The following SH3RF1 variants were observed in gnomAD, a reference collection of about 807,000 sequenced individuals.
SH3RF1 encodes the protein SH3 domain containing ring finger 1.
Under a neutral mutation model 74.0 loss-of-function variants are expected in SH3RF1, and 32 were observed. That is an observed-to-expected ratio of 0.43 (90% CI 0.33 to 0.58). The LOEUF (loss-of-function observed/expected upper bound fraction) is 0.58, where lower values mean the gene tolerates loss of function less well. Among genes scored for constraint, SH3RF1 ranks in the 20% least tolerant of loss-of-function variants. The pLI is 0.05. For missense variants in SH3RF1, 954 were observed against 1,130.9 expected, an observed-to-expected ratio of 0.84 and a Z score of 2.24; for synonymous variants, 396 against 439.6, an observed-to-expected ratio of 0.90 and a Z score of 1.24.
rs1733340501 is a variant in SH3RF1, at chr4:169,116,690, A to G, written c.1778-60T>C. On this transcript the variant is annotated intron_variant, in intron 9 of 11. Coordinates refer to ENST00000284637, the MANE Select transcript of SH3RF1 (RefSeq NM_020870.4). ...AACTATCTAATAGATGCTGCTCACC[A>G]AAACATGAGTCATTTCACTGCATCA... is the stretch of plus-strand genomic sequence containing the variant. The G allele has an allele frequency of 2.7e-6, 4 of 1,489,430 alleles. No individual in the cohort carries two copies. The South Asian group carries it at 5.7e-5, about 21-fold the overall frequency. 92.3% of individuals were successfully genotyped at this position (1,489,430 alleles called of 1,614,324 possible). A position where few individuals can be genotyped will look rare whatever the true frequency, so the allele number is the denominator to read the frequency against.
intron 2 of SH3RF1, among the ~76,000 whole-genome samples, chr4:169,249,722 C>T (rs996446524): frequency 3.3e-5 from 5 of 152,178 alleles, no homozygotes; most frequent in Admixed American, 6.5e-5. Flanking sequence ...CAAGCTGTGA[C>T]TCTTTAAGTA....
chr4:169,185,787 A>C (rs933591411), intron 2 of SH3RF1, among the ~76,000 whole-genome samples: 2 of 152,174 alleles, frequency 1.3e-5, no homozygotes, highest in Non-Finnish European at 2.9e-5. Flanking sequence ...AAGCTTTGAG[A>C]AATGAAGGAG....
intron 2 of SH3RF1, among the ~76,000 whole-genome samples, chr4:169,183,345 A>G (rs979723542): frequency 6.6e-6 from 1 of 152,086 alleles, no homozygotes; most frequent in African/African-American, 2.4e-5. Context: ...CAATGGCGTG[A>G]TCCTGGCTCA....
intron 2 of SH3RF1, among the ~76,000 whole-genome samples, chr4:169,165,273 A>G (rs1734216649): frequency 6.6e-6 from 1 of 151,848 alleles, no homozygotes; most frequent in Non-Finnish European, 1.5e-5. Context: ...AGGAATGATC[A>G]TGTACCAGGA....
intron 11 of SH3RF1, among the ~76,000 whole-genome samples, chr4:169,099,217 C>T (rs1167123473): frequency 2.0e-5 from 3 of 152,232 alleles, no homozygotes; most frequent in East Asian, 1.9e-4. Context: ...CTCAGCCTTC[C>T]GGCTGGGACT....
intron 2 of SH3RF1, among the ~76,000 whole-genome samples, chr4:169,163,258 C>G (rs891621865): frequency 1.3e-5 from 2 of 148,976 alleles, no homozygotes; most frequent in Admixed American, 1.3e-4. Flanking sequence ...AAATGAACAA[C>G]AGTTTTCCAA....
At chr4:169,222,331 A>G (rs887719606) in intron 2 of SH3RF1, among the ~76,000 whole-genome samples, 3 of 152,006 alleles carry the variant, frequency 2.0e-5, no homozygotes, top group Admixed American at 1.3e-4. Flanking sequence ...CAGGCATGGT[A>G]GCAGACACCT....
chr4:169,104,319 G>T (rs756926930), intron 11 of SH3RF1, among the ~76,000 whole-genome samples: 9 of 152,214 alleles, frequency 5.9e-5, no homozygotes, highest in Non-Finnish European at 1.3e-4. Flanking sequence ...GGGAGGCTTT[G>T]TGACCAAGAG....
intron 2 of SH3RF1, among the ~76,000 whole-genome samples, chr4:169,209,027 C>T (rs776417908): frequency 7.9e-5 from 12 of 152,186 alleles, no homozygotes; most frequent in Non-Finnish European, 1.6e-4. Flanking sequence ...TGGTGGCTCA[C>T]GCCTGTAATC....
intron 10 of SH3RF1, among the ~76,000 whole-genome samples, chr4:169,110,245 C>T (rs989389689): frequency 6.7e-6 from 1 of 150,246 alleles, no homozygotes; most frequent in Admixed American, 6.6e-5. Context: ...TGGCTCATGC[C>T]TTTAGTCCCA....
At chr4:169,165,437 T>C (rs2126969877) in intron 2 of SH3RF1, among the ~76,000 whole-genome samples, 1 of 152,210 alleles carries the variant, frequency 6.6e-6, no homozygotes, top group South Asian at 2.1e-4. Flanking sequence ...AACCCAGCAC[T>C]TTGGGAGGCT....
At chr4:169,128,572 T>TC (rs1433509273) in intron 6 of SH3RF1, among the ~76,000 whole-genome samples, 30 of 152,246 alleles carry the variant, frequency 2.0e-4, no homozygotes, top group Admixed American at 2.0e-3. Context: ...TTTATTTATA[T>TC]CCCACCTTGT....
chr4:169,210,899 C>T (rs570865896), intron 2 of SH3RF1, among the ~76,000 whole-genome samples: 20 of 152,212 alleles, frequency 1.3e-4, no homozygotes, highest in Admixed American at 2.0e-4. Flanking sequence ...CCTATTCTGG[C>T]TCAGGGACTT....
intron 2 of SH3RF1, among the ~76,000 whole-genome samples, chr4:169,198,129 G>A (rs941596213): frequency 2.0e-5 from 3 of 152,172 alleles, no homozygotes; most frequent in Non-Finnish European, 4.4e-5. Flanking sequence ...GTGAGTTGGA[G>A]AAAAAGGCAA....
rs66574732 is a variant in SH3RF1 at position 169,102,915 on chromosome 4, C to CTTTTTTTTT, written c.2498+3923_2498+3931dup. Among the ~76,000 whole-genome samples the CTTTTTTTTT allele has an allele frequency of 3.0e-4, 20 of 66,880 alleles. 2 individuals are homozygous for CTTTTTTTTT. In the South Asian group the frequency reaches 3.0e-3, roughly 10 times the overall value. The allele number at this position is 66,880 out of a possible 152,430, so 43.9% of individuals were successfully genotyped here. ...CAGCACCGGCTGCCCCAGTCACATT[C>CTTTTTTTTT]TTTTTTTTTTTTTTTTTTTTTTTTG... On this transcript the variant is annotated intron_variant, in intron 11 of 11. Coordinates refer to ENST00000284637, the MANE Select transcript of SH3RF1 (RefSeq NM_020870.4).
chr4:169,266,788 C>T (rs1187800679), intron 2 of SH3RF1, among the ~76,000 whole-genome samples: 2 of 151,980 alleles, frequency 1.3e-5, no homozygotes, highest in Non-Finnish European at 2.9e-5. Flanking sequence ...GTACCTGGCT[C>T]GAAAAACTAT....
intron 4 of SH3RF1, among the ~76,000 whole-genome samples, chr4:169,153,621 A>G (rs911443559): frequency 6.6e-6 from 1 of 152,138 alleles, no homozygotes; most frequent in Non-Finnish European, 1.5e-5. Context: ...CCTCCACTTT[A>G]TTCCCCTAAG....
intron 4 of SH3RF1, among the ~76,000 whole-genome samples, chr4:169,138,000 G>A (rs1261104038): frequency 2.0e-5 from 3 of 152,278 alleles, no homozygotes; most frequent in Admixed American, 6.5e-5. Flanking sequence ...AGGCAGTAAC[G>A]CCAGAATAAC....
intron 4 of SH3RF1, among the ~76,000 whole-genome samples, chr4:169,139,171 A>G (rs1733745300): frequency 6.6e-6 from 1 of 152,142 alleles, no homozygotes; most frequent in African/African-American, 2.4e-5. Flanking sequence ...CGAACTTCTG[A>G]GCTCAAGCGA....
Sources: gnomAD v4.1 joint callset for allele counts (sites outside exome capture counted in the v4.1 genomes callset) on GRCh38, gnomAD v4.1.1 for gene constraint, MANE v1.5 for transcripts, NCBI Gene and HGNC (gene_info 2026-07-23, HGNC 2026-07-21) for gene names.